The following DLG2 variants were observed in gnomAD, a reference collection of about 807,000 sequenced individuals.
DLG2 encodes discs large MAGUK scaffold protein 2.
In DLG2, 45 loss-of-function variants were observed where a neutral mutation model predicts 132.5. The observed-to-expected ratio is 0.34, with a 90% CI of 0.27 to 0.44. The LOEUF (loss-of-function observed/expected upper bound fraction) is 0.44, where lower values mean the gene tolerates loss of function less well. Ranked by LOEUF, DLG2 falls within the 20% of genes least tolerant of loss-of-function variation. DLG2 has a pLI of 1.00. For missense variants in DLG2, 1,045 were observed against 1,196.9 expected, an observed-to-expected ratio of 0.87 and a Z score of 1.87; for synonymous variants, 424 against 419.6, an observed-to-expected ratio of 1.01 and a Z score of -0.13.
intron 18 of DLG2, among the ~76,000 whole-genome samples, chr11:83,769,363 C>T (rs976195316): frequency 6.6e-6 from 1 of 152,080 alleles, no homozygotes; most frequent in African/African-American, 2.4e-5. Flanking sequence ...TTATTGACTT[C>T]CTACTAGAGT....
At chr11:83,914,864 T>C (rs537739155) in intron 15 of DLG2, among the ~76,000 whole-genome samples, 1 of 152,130 alleles carries the variant, frequency 6.6e-6, no homozygotes, top group Non-Finnish European at 1.5e-5. Flanking sequence ...AAGATCTAAT[T>C]GTAGATATAG....
At chr11:85,063,900 G>C (rs2064476812) in intron 6 of DLG2, among the ~76,000 whole-genome samples, 1 of 151,770 alleles carries the variant, frequency 6.6e-6, no homozygotes, top group Admixed American at 6.6e-5. Context: ...TCTGGGTTCT[G>C]TGGTGACAAA....
chr11:83,941,610 T>C (rs1010806855), intron 14 of DLG2, among the ~76,000 whole-genome samples: 22 of 152,054 alleles, frequency 1.4e-4, no homozygotes, highest in African/African-American at 5.1e-4. Context: ...GCCAGTCTTG[T>C]TTTGAACTCT....
chr11:83,501,898 G>A (rs539944819), intron 21 of DLG2, among the ~76,000 whole-genome samples: 1 of 152,068 alleles, frequency 6.6e-6, no homozygotes. Flanking sequence ...TGGACTTAAG[G>A]GTTCTCTAAT....
intron 8 of DLG2, among the ~76,000 whole-genome samples, chr11:84,200,624 G>C (rs1403392855): frequency 6.6e-6 from 1 of 152,074 alleles, no homozygotes; most frequent in Non-Finnish European, 1.5e-5. Flanking sequence ...TGATTTCTTT[G>C]AGCAGTGGTT....
intron 6 of DLG2, among the ~76,000 whole-genome samples, chr11:84,541,755 C>T (rs1461823028): frequency 6.6e-6 from 1 of 152,034 alleles, no homozygotes; most frequent in African/African-American, 2.4e-5. Context: ...AATCAGAAAG[C>T]CCTCCCAGCT....
At chr11:85,061,591 G>C (rs546815210) in intron 6 of DLG2, among the ~76,000 whole-genome samples, 2 of 151,756 alleles carry the variant, frequency 1.3e-5, no homozygotes, top group Non-Finnish European at 2.9e-5. Context: ...TACTAAAGCT[G>C]ATGGTTAAGA....
At chr11:84,197,133 T>C (rs566575002) in intron 8 of DLG2, among the ~76,000 whole-genome samples, 1 of 151,912 alleles carries the variant, frequency 6.6e-6, no homozygotes, top group South Asian at 2.1e-4. Flanking sequence ...ATAGAAGGCT[T>C]TGAACCATAT....
chr11:83,720,140 A>C (rs768960492), intron 18 of DLG2, among the ~76,000 whole-genome samples: 1 of 151,444 alleles, frequency 6.6e-6, no homozygotes, highest in Non-Finnish European at 1.5e-5. Context: ...TAAAAATACA[A>C]AAAATTAGCT....
At chr11:83,529,636 T>A (rs1284242693) in intron 21 of DLG2, among the ~76,000 whole-genome samples, 2 of 151,940 alleles carry the variant, frequency 1.3e-5, no homozygotes, top group Non-Finnish European at 2.9e-5. Context: ...ATACTCCAGA[T>A]ATAAACTATC....
At chr11:84,659,207 CAATCT>C (rs1283980864) in intron 6 of DLG2, among the ~76,000 whole-genome samples, 1 of 152,016 alleles carries the variant, frequency 6.6e-6, no homozygotes, top group African/African-American at 2.4e-5. Context: ...TAGGTAGCCT[CAATCT>C]AATTGTGTAT....
intron 18 of DLG2, among the ~76,000 whole-genome samples, chr11:83,777,866 A>G (rs143026263): frequency 6.6e-6 from 1 of 152,202 alleles, no homozygotes; most frequent in Admixed American, 6.5e-5. Flanking sequence ...ATCAGAAGAC[A>G]CAATAAACTA....
At chr11:83,606,219 T>C (rs1174387592) in intron 19 of DLG2, among the ~76,000 whole-genome samples, 1 of 152,228 alleles carries the variant, frequency 6.6e-6, no homozygotes, top group Non-Finnish European at 1.5e-5. Context: ...TACACTACTA[T>C]ACATACTAGC....
chr11:85,068,771 T>C (rs907082801), intron 6 of DLG2, among the ~76,000 whole-genome samples: 1 of 152,080 alleles, frequency 6.6e-6, no homozygotes, highest in African/African-American at 2.4e-5. Flanking sequence ...AAGCTACCAA[T>C]GACTTTCTTC....
intron 15 of DLG2, among the ~76,000 whole-genome samples, chr11:83,883,568 G>A (rs76721943): frequency 6.6e-6 from 1 of 152,160 alleles, no homozygotes; most frequent in Non-Finnish European, 1.5e-5. Flanking sequence ...TTGCTTTAAA[G>A]CAATAATGAG....
intron 6 of DLG2, among the ~76,000 whole-genome samples, chr11:84,598,986 T>C (rs1018186166): frequency 6.6e-6 from 1 of 152,070 alleles, no homozygotes; most frequent in Admixed American, 6.6e-5. Flanking sequence ...GTCACATGCC[T>C]GTAATTGCAG....
rs2081665456 is a variant in DLG2, at chr11:83,695,148, T to G, written c.1826-61823A>C. The stretch of plus-strand genomic sequence containing the variant: ...GGCTTAATTTAAAGAAAACCATAAG[T>G]TGAGTTAATTCACTGTGAAGGGTTA... On this transcript the variant is annotated intron_variant, in intron 18 of 27. Transcript: ENST00000376104. Among the ~76,000 whole-genome samples the G allele has an allele frequency of 1.3e-5, 2 of 152,304 alleles. 1 individual carries two copies. The highest frequency in any genetic ancestry group is 4.1e-4 in the South Asian group (2 of 4,824).
intron 11 of DLG2, among the ~76,000 whole-genome samples, chr11:84,036,813 T>A (rs544541242): frequency 6.6e-6 from 1 of 152,246 alleles, no homozygotes; most frequent in Non-Finnish European, 1.5e-5. Context: ...CTTCTGTGAA[T>A]GAATACAGAC....
chr11:84,342,997 A>T (rs1285609092), intron 7 of DLG2, among the ~76,000 whole-genome samples: 1 of 152,206 alleles, frequency 6.6e-6, no homozygotes, highest in African/African-American at 2.4e-5. Context: ...CCTGCCCTGT[A>T]GGATCTTTTC....
Sources: gnomAD v4.1 joint callset for allele counts (sites outside exome capture counted in the v4.1 genomes callset) on GRCh38, gnomAD v4.1.1 for gene constraint, MANE v1.5 for transcripts, NCBI Gene and HGNC (gene_info 2026-07-23, HGNC 2026-07-21) for gene names.